The following ZNF138 variants were observed in gnomAD, a reference collection of about 807,000 sequenced individuals.
ZNF138 encodes the protein zinc finger protein 138 (clone pHZ-32).
Under a neutral mutation model 33.0 loss-of-function variants are expected in ZNF138, and 33 were observed. The observed-to-expected ratio is 1.00, with a 90% confidence interval of 0.76 to 1.34. The LOEUF is 1.34. Ranked by LOEUF, ZNF138 falls within the 40% of genes most tolerant of loss-of-function variation. ZNF138 has a pLI of 0.00. For missense variants in ZNF138, 360 were observed against 370.8 expected (o/e 0.97, Z 0.24); for synonymous variants, 139 against 120.4 (o/e 1.15, Z -1.01).
intron 1 of ZNF138, among the ~76,000 whole-genome samples, chr7:64,813,002 A>T (rs1314349321): frequency 1.3e-5 from 2 of 152,040 alleles, no homozygotes; most frequent in Non-Finnish European, 2.9e-5. Context: ...ACTTTTAAAA[A>T]TTCTTATGAT....
At chr7:64,830,475 C>CT (rs977187078) in intron 3 of ZNF138, among the ~76,000 whole-genome samples, 2 of 151,638 alleles carry the variant, frequency 1.3e-5, no homozygotes, top group African/African-American at 2.4e-5. Flanking sequence ...ATTTGTGCAT[C>CT]TTTTTTTGTT....
At chr7:64,851,313 CT>C in the ZNF138 span, among the ~76,000 whole-genome samples, 41 of 151,822 alleles carry the variant, frequency 2.7e-4, no homozygotes, top group African/African-American at 9.7e-5. Context: ...AAACTTTATT[CT>C]TTTTTTTATA....
chr7:64,834,225 T>A (rs1437261883), downstream of ZNF138, among the ~76,000 whole-genome samples: 8 of 152,264 alleles, frequency 5.3e-5, no homozygotes, highest in East Asian at 1.9e-4. Context: ...ATTTCAAAAA[T>A]TTTTCAAAAA....
At chr7:64,818,553 C>A (rs976404913) in intron 3 of ZNF138, among the ~76,000 whole-genome samples, 6 of 151,902 alleles carry the variant, frequency 3.9e-5, no homozygotes, top group African/African-American at 1.5e-4. Context: ...AGTTCGAGAC[C>A]AGCCTGGCCA....
At chr7:64,843,860 C>G in the ZNF138 span, among the ~76,000 whole-genome samples, 1 of 151,210 alleles carries the variant, frequency 6.6e-6, no homozygotes, top group African/African-American at 2.4e-5. Context: ...TGGAGTTTCG[C>G]TGTCACCAGG....
intron 3 of ZNF138, among the ~76,000 whole-genome samples, chr7:64,822,318 TTTCTG>T (rs1789235315): frequency 6.6e-6 from 1 of 151,674 alleles, no homozygotes; most frequent in Non-Finnish European, 1.5e-5. Context: ...TAGTTCAATT[TTTCTG>T]TTCTTTTCTT....
chr7:64,845,755 A>C, the ZNF138 span, among the ~76,000 whole-genome samples: 1 of 152,094 alleles, frequency 6.6e-6, no homozygotes, highest in African/African-American at 2.4e-5. Context: ...TGTTTTTAGC[A>C]CACTTTTCGG....
chr7:64,835,865 T>C (rs1416823292), downstream of ZNF138: 6 of 152,306 alleles, frequency 3.9e-5, no homozygotes, highest in East Asian at 1.2e-3. Flanking sequence ...GCTAAGGAGA[T>C]GCCTAGTACT....
At chr7:64,831,228 G>A (rs911404145) in intron 3 of ZNF138, among the ~76,000 whole-genome samples, 1 of 152,100 alleles carries the variant, frequency 6.6e-6, no homozygotes, top group African/African-American at 2.4e-5. Flanking sequence ...TCTTTGCATT[G>A]TGCAAACCTG....
intron 3 of ZNF138, among the ~76,000 whole-genome samples, chr7:64,817,236 G>A (rs749438867): frequency 1.3e-5 from 2 of 152,082 alleles, no homozygotes; most frequent in Non-Finnish European, 2.9e-5. Flanking sequence ...CTGCAGGCCT[G>A]CCTGCATGGC....
At chr7:64,826,336 A>G (rs150419431) in intron 3 of ZNF138, among the ~76,000 whole-genome samples, 6,598 of 152,172 alleles carry the variant, frequency 0.043, 207 homozygotes, top group East Asian at 0.14. Context: ...CTGGAGTGCA[A>G]TGGCACGATG....
rs2128999788 is a variant in ZNF138 at position 64,813,429 on chromosome 7, A to T, written c.4-1489A>T. Among the ~76,000 whole-genome samples, 2 of 89,724 alleles carry T rather than the reference A, an allele frequency of 2.2e-5. 1 individual carries two copies. Among genetic ancestry groups the T allele is most frequent in the East Asian group, 6.1e-4 (2 of 3,284 alleles). 58.9% of individuals were successfully genotyped at this position (89,724 alleles called of 152,430 possible). On this transcript the variant is annotated intron_variant, in intron 1 of 3. Coordinates refer to ENST00000307355, the MANE Select transcript of ZNF138 (RefSeq NM_001271639.2). ...ATTACCTGTATCTTAAAGTTTGCAT[A>T]AAAATGATTTTTTTTTTTTTTTTTA...
In ZNF138 at chr7:64,832,029, T is replaced by G. The variant is rs1272090562; in HGVS notation, c.787T>G (p.Ser263Ala). Residue 263 changes from serine (S) to alanine (A), a missense_variant, in exon 4 of 4, where the codon TCC becomes GCC. Ser to Ala is a moderately conservative substitution (Grantham distance 99). Transcript: ENST00000307355. Reference sequence around the variant, plus strand: ...ACACTGTGGCAAAGCCTTTAAACAGTCCTCACACCTTACTAGACATAAGAT... The same window carrying G: ...ACACTGTGGCAAAGCCTTTAAACAGGCCTCACACCTTACTAGACATAAGAT... The part of the protein sequence containing the change: ...CAHCGKAFKQ[S>A]SHLTRHKIIH... The G allele has an allele frequency of 6.2e-7, 1 of 1,613,690 alleles. No individual in the cohort carries two copies. The highest frequency in any genetic ancestry group is 2.2e-5 in the East Asian group (1 of 44,874).
chr7:64,798,520 G>A (rs1344571536), intron 1 of ZNF138, among the ~76,000 whole-genome samples: 1 of 152,206 alleles, frequency 6.6e-6, no homozygotes, highest in African/African-American at 2.4e-5. Context: ...GGCCGGGCAT[G>A]GTGGCTTACG....
Position 64,832,270 on chromosome 7 carries a change from C to T in ZNF138, c.*68C>T. 6.3e-7 allele frequency: 1 copy of T among 1,599,204 alleles called. No individual in the cohort carries two copies. ...TACAAATGTGAAGAATGTGGCAAAG[C>T]CTTTAACCAGTTTTCAACCCTTATT... is the stretch of plus-strand genomic sequence containing the variant. On this transcript the variant is annotated 3_prime_UTR_variant, in exon 4 of 4. Transcript: ENST00000307355.
At position 64,826,493 on chromosome 7, in the gene ZNF138, C is replaced by T. The variant is rs541513556; in HGVS notation, c.209-4958C>T. On this transcript the variant is annotated intron_variant, in intron 3 of 3. Transcript: ENST00000307355. The stretch of plus-strand genomic sequence containing the variant: ...ACGGGGTTTCTCCATGTTGGTCAGG[C>T]GGGTCTCAAACTCCTGACCTCAGGT... Among the ~76,000 whole-genome samples, 522 of 152,126 alleles carry T rather than the reference C, an allele frequency of 3.4e-3. 8 individuals are homozygous for T. The highest frequency in any genetic ancestry group is 0.012 in the African/African-American group (501 of 41,504).
downstream of ZNF138, among the ~76,000 whole-genome samples, chr7:64,837,568 G>A (rs956484176): frequency 1.1e-4 from 17 of 152,294 alleles, 1 homozygote; most frequent in Middle Eastern, 3.4e-3. Flanking sequence ...AGCCACGCGA[G>A]GGCAAAGGGA....
intron 3 of ZNF138, among the ~76,000 whole-genome samples, chr7:64,826,792 G>A (rs1789652602): frequency 6.6e-6 from 1 of 152,008 alleles, no homozygotes; most frequent in African/African-American, 2.4e-5. Flanking sequence ...TGGCATTAAA[G>A]GCACACACCA....
chr7:64,853,354 T>C, the ZNF138 span: 10 of 1,523,420 alleles, frequency 6.6e-6, no homozygotes, highest in African/African-American at 1.4e-5. Context: ...CATGTAGATA[T>C]GGTTGTTGGG....
Sources: allele counts gnomAD v4.1 joint callset (sites outside exome capture counted in the v4.1 genomes callset), GRCh38; gene constraint gnomAD v4.1.1; transcripts MANE v1.5; gene names NCBI Gene and HGNC (gene_info 2026-07-23, HGNC 2026-07-21).